Variants in TRIO observed in about 807,000 individuals in gnomAD.
TRIO encodes the protein trio Rho guanine nucleotide exchange factor.
Under a neutral mutation model 351.9 loss-of-function variants are expected in TRIO, and 58 were observed. That is an observed-to-expected ratio of 0.16 (90% confidence interval 0.13 to 0.21). The LOEUF (loss-of-function observed/expected upper bound fraction) is 0.21. TRIO is among the 10% of genes least tolerant of loss of function. TRIO has a pLI of 1.00. For missense variants in TRIO, 3,201 were observed against 4,027.8 expected, an observed-to-expected ratio of 0.79 and a Z score of 5.56; for synonymous variants, 1,758 against 1,595.7, an observed-to-expected ratio of 1.10 and a Z score of -2.42.
At chr5:14,486,717 C>G (rs1179103544) in intron 47 of TRIO, among the ~76,000 whole-genome samples, 1 of 152,108 alleles carries the variant, frequency 6.6e-6, no homozygotes, top group Non-Finnish European at 1.5e-5. Context: ...TAAAGGAGAT[C>G]GCTCATGGGC....
intron 34 of TRIO, among the ~76,000 whole-genome samples, chr5:14,444,653 T>G (rs1400010778): frequency 1.3e-5 from 2 of 152,200 alleles, no homozygotes; most frequent in Admixed American, 6.5e-5. Context: ...AAATCTACAT[T>G]GAAGGTTCTA....
Position 14,487,956 on chromosome 5 carries a change from C to A in TRIO, c.7328C>A (p.Thr2443Asn). ...PAKDARASLG[T>N]LPLGKPRAGA... is the part of the protein sequence containing the mutation. ...AAGGACGCGCGCGCTAGCCTGGGCA[C>A]CCTGCCGCTTGGGAAGCCCCGGGCC... The change falls in exon 48 of 57, where the codon ACC (threonine) becomes AAC (asparagine). Residue 2443 changes from threonine (T) to asparagine (N), a missense_variant. This residue lies in a region of TRIO where 1,089 missense variants were observed against 954.9 expected (regional missense o/e 1.14). Coordinates refer to ENST00000344204, the MANE Select transcript of TRIO (RefSeq NM_007118.4). 6.5e-7 allele frequency: 1 copy of A among 1,550,032 alleles called. No individual in the cohort carries two copies.
chr5:14,397,332 C>A, intron 29 of TRIO, 178 bp downstream of exon 29: 1 of 572,030 alleles, frequency 1.7e-6, no homozygotes, highest in Middle Eastern at 4.7e-4. Context: ...TGTTTCTATA[C>A]TCATTGAAAG....
intron 20 of TRIO, among the ~76,000 whole-genome samples, chr5:14,379,216 C>G (rs1048731849): frequency 6.6e-6 from 1 of 152,128 alleles, no homozygotes; most frequent in East Asian, 1.9e-4. Flanking sequence ...TGGTGTTGAC[C>G]CACATTCTGA....
intron 1 of TRIO, among the ~76,000 whole-genome samples, chr5:14,158,708 G>A (rs1339878006): frequency 2.6e-5 from 4 of 152,172 alleles, no homozygotes; most frequent in Admixed American, 2.6e-4. Context: ...GCGTGCACCT[G>A]TAGTCCCAGC....
Position 14,290,840 on chromosome 5 carries a change from A to G in TRIO, c.665A>G (p.Asp222Gly). The change falls in exon 5 of 57, where the codon GAC becomes GGC. Residue 222 changes from aspartate to glycine, a missense_variant. Coordinates refer to ENST00000344204, the MANE Select transcript of TRIO (RefSeq NM_007118.4). ...ATTGAAATCAGAGTTGCTTTTGAAG[A>G]CTACATTAGCAATGCCACCCACATG... ...EWIEIRVAFE[D>G]YISNATHMLS... 1.2e-6 allele frequency: 2 copies of G among 1,614,152 alleles called. No individual in the cohort carries two copies. The highest frequency in any genetic ancestry group is 2.2e-5 in the South Asian group (2 of 91,070).
At chr5:14,308,202 T>C (rs1468925948) in intron 8 of TRIO, among the ~76,000 whole-genome samples, 7 of 152,268 alleles carry the variant, frequency 4.6e-5, no homozygotes, top group Non-Finnish European at 1.5e-5. Context: ...GACAGACTTA[T>C]GAAACATATG....
chr5:14,372,216 G>T (rs1305949250), intron 18 of TRIO, among the ~76,000 whole-genome samples: 2 of 138,940 alleles, frequency 1.4e-5, no homozygotes, highest in African/African-American at 5.2e-5. Context: ...AAGGCGGAGG[G>T]GGGGCGATGG....
In TRIO at chr5:14,487,697, G is replaced by A; in HGVS notation, c.7069G>A (p.Ala2357Thr). The A allele has an allele frequency of 1.4e-6, 2 of 1,440,168 alleles. No individual in the cohort carries two copies. The highest frequency in any genetic ancestry group is 3.1e-5 in the East Asian group (1 of 32,094). 89.2% of individuals were successfully genotyped at this position (1,440,168 alleles called of 1,614,324 possible). ...HHPPVLVSSA[A>T]SSQAEADKMS... ...CCCCCCCGTGCTGGTCTCCTCTGCAGCCTCGAGCCAGGCAGAGGCAGACAA... is the reference window on the plus strand; with the variant it reads ...CCCCCCCGTGCTGGTCTCCTCTGCAACCTCGAGCCAGGCAGAGGCAGACAA... Residue 2357 changes from alanine to threonine, a missense_variant, in exon 48 of 57, where the codon GCC (alanine) becomes ACC (threonine). Ala to Thr is a moderately conservative substitution (Grantham distance 58). This residue lies in a region of TRIO where 1,089 missense variants were observed against 954.9 expected (regional missense o/e 1.14). Transcript: ENST00000344204.
At chr5:14,489,371 G>A (rs558421161) in intron 48 of TRIO, among the ~76,000 whole-genome samples, 21 of 152,320 alleles carry the variant, frequency 1.4e-4, no homozygotes, top group Non-Finnish European at 1.8e-4. Context: ...CATGGCCACC[G>A]TACTGTGTCC....
Position 14,481,535 on chromosome 5 carries a change from C to T in TRIO, c.6388-6C>T, listed in dbSNP as rs1755516215. On this transcript the variant is annotated splice_region_variant and splice_polypyrimidine_tract_variant and intron_variant, in intron 44 of 56. Transcript: ENST00000344204. ...AGCTTTCACTCTTCTCTCTCCCCTC[C>T]CACAGAGAGCTGTGGAAGTCATGTG... 2 of 1,614,028 alleles carry T rather than the reference C, an allele frequency of 1.2e-6. No individual in the cohort carries two copies. Among genetic ancestry groups the T allele is most frequent in the East Asian group, 4.5e-5 (2 of 44,886 alleles).
intron 1 of TRIO, among the ~76,000 whole-genome samples, chr5:14,243,453 A>T (rs1383621701): frequency 6.6e-6 from 1 of 152,128 alleles, no homozygotes; most frequent in Non-Finnish European, 1.5e-5. Context: ...TGGTACTTAA[A>T]TTAAGTTTCC....
At chr5:14,182,806 T>C (rs1039749560) in intron 1 of TRIO, among the ~76,000 whole-genome samples, 7 of 151,430 alleles carry the variant, frequency 4.6e-5, no homozygotes, top group Non-Finnish European at 1.0e-4. Flanking sequence ...TTTTTAAAAA[T>C]CCTTCCCTGA....
chr5:14,258,933 C>T (rs914470949), intron 1 of TRIO, among the ~76,000 whole-genome samples: 2 of 152,210 alleles, frequency 1.3e-5, no homozygotes, highest in Non-Finnish European at 2.9e-5. Context: ...GGCTGCAGGG[C>T]ACTGATGCGC....
chr5:14,291,071 C>T lies in TRIO; in HGVS notation c.896C>T (p.Ser299Leu), dbSNP rs1393909660. The stretch of plus-strand genomic sequence containing the variant: ...AGCTTTCCCAAAAAGAACTCAGGCT[C>T]AGGCAATGCGGACCTGCAGAACCTC... Reference protein sequence around the residue: ...SESFPKKNSGSGNADLQNLLP... With the variant: ...SESFPKKNSGLGNADLQNLLP... Residue 299 changes from serine (S) to leucine (L), a missense_variant, in exon 5 of 57, where the codon TCA becomes TTA. Ser to Leu is a moderately radical substitution (Grantham distance 145, BLOSUM62 -2). Coordinates refer to ENST00000344204, the MANE Select transcript of TRIO (RefSeq NM_007118.4). 9 of 1,614,098 alleles carry T rather than the reference C, an allele frequency of 5.6e-6. No homozygotes were observed. The highest frequency in any genetic ancestry group is 1.6e-4 in the Middle Eastern group (1 of 6,084).
chr5:14,389,443 T>C, intron 25 of TRIO, 45 bp downstream of exon 25: 1 of 1,392,264 alleles, frequency 7.2e-7, no homozygotes, highest in South Asian at 1.3e-5. Context: ...GAAATCCATG[T>C]GCTGAAGTTT....
intron 1 of TRIO, among the ~76,000 whole-genome samples, chr5:14,205,842 C>T (rs1008864649): frequency 7.2e-5 from 11 of 152,228 alleles, no homozygotes; most frequent in East Asian, 1.9e-4. Flanking sequence ...AAGCGATTCT[C>T]GTGCCTCAGC....
At position 14,460,338 on chromosome 5, in the gene TRIO, C is replaced by T. The variant is rs192241006; in HGVS notation, c.5204-681C>T. Reference sequence around the variant, plus strand: ...TCCCGGTGTGCCGCCGTGGCCTGGCCGTGAACAGGAAAGAGGCTGAGGGCC... The same window carrying T: ...TCCCGGTGTGCCGCCGTGGCCTGGCTGTGAACAGGAAAGAGGCTGAGGGCC... On this transcript the variant is annotated intron_variant, in intron 34 of 56. Transcript: ENST00000344204. 1.3e-3 allele frequency among the ~76,000 whole-genome samples: 199 copies of T among 152,258 alleles called. 1 individual carries two copies. Among genetic ancestry groups the T allele is most frequent in the African/African-American group, 4.2e-3 (176 of 41,546 alleles).
At chr5:14,384,479 A>T (rs923712344) in intron 21 of TRIO, among the ~76,000 whole-genome samples, 2 of 152,234 alleles carry the variant, frequency 1.3e-5, no homozygotes, top group Admixed American at 6.5e-5. Flanking sequence ...CACTGTAACG[A>T]TCTCTAGAGA....
Sources: allele counts gnomAD v4.1 joint callset (sites outside exome capture counted in the v4.1 genomes callset), GRCh38; gene constraint gnomAD v4.1.1; regional missense constraint gnomAD v4.1.1; transcripts MANE v1.5; gene names NCBI Gene and HGNC (gene_info 2026-07-23, HGNC 2026-07-21).